Variants in ANO4 observed in about 807,000 individuals in gnomAD.
The protein encoded by ANO4 is anoctamin-4.
A neutral mutation model predicts 141.9 loss-of-function variants in ANO4; 69 were observed. The ratio of observed to expected loss-of-function variants is 0.49; its 90% CI spans 0.40 to 0.59. ANO4 has a LOEUF of 0.59. ANO4 is among the 20% of genes least tolerant of loss of function. ANO4 has a pLI of 0.00. For missense variants in ANO4, 894 were observed against 1,162.2 expected (o/e 0.77, Z 3.36); for synonymous variants, 350 against 394.3 (o/e 0.89, Z 1.33).
intron 4 of ANO4, among the ~76,000 whole-genome samples, chr12:100,941,066 C>T (rs1034841653): frequency 3.3e-5 from 5 of 151,588 alleles, no homozygotes; most frequent in Non-Finnish European, 5.9e-5. Context: ...ATTACTAACT[C>T]CAGTTTTTTT....
At chr12:100,910,471 T>C (rs1235461210) in intron 2 of ANO4, among the ~76,000 whole-genome samples, 3 of 152,164 alleles carry the variant, frequency 2.0e-5, no homozygotes, top group South Asian at 4.1e-4. Context: ...TGTTTATCAA[T>C]TTCATTTTGA....
Position 100,733,999 on chromosome 12 carries a change from G to A in ANO4, c.106+142G>A, listed in dbSNP as rs572792781. On this transcript the variant is annotated intron_variant, in intron 2 of 29. Transcript: ENST00000644049. ...TTTCAGAATCAGAGCAATTGCTTGT[G>A]GACTCACTTTTCTGGATCGCCCTCT... 68 of 570,096 alleles carry A rather than the reference G, an allele frequency of 1.2e-4. 1 individual carries two copies. The South Asian group carries it at 1.5e-3, about 13-fold the overall frequency. The allele number at this position is 570,096 out of a possible 1,614,324, so 35.3% of individuals were successfully genotyped here.
chr12:100,776,406 C>G (rs984649313), intron 3 of ANO4, among the ~76,000 whole-genome samples: 6 of 152,148 alleles, frequency 3.9e-5, no homozygotes, highest in African/African-American at 1.4e-4. Flanking sequence ...TCATAACCAC[C>G]CCAGGGATTC....
At chr12:101,121,874 G>T (rs2051111437) in intron 26 of ANO4, among the ~76,000 whole-genome samples, 1 of 148,186 alleles carries the variant, frequency 6.7e-6, no homozygotes, top group South Asian at 2.1e-4. Context: ...GTAATTCTCT[G>T]CCTCAGCCTC....
At chr12:101,104,633 A>G (rs1398356096) in intron 22 of ANO4, among the ~76,000 whole-genome samples, 1,367 of 49,390 alleles carry the variant, frequency 0.028, 27 homozygotes, top group African/African-American at 0.12. Context: ...GTGTGTATAT[A>G]TATATATATA....
chr12:101,042,361 A>G lies in ANO4; in HGVS notation c.1047A>G (p.Leu349=). 7.4e-6 allele frequency: 12 copies of G among 1,614,088 alleles called. No homozygotes were observed. The highest frequency in any genetic ancestry group is 1.0e-5 in the Non-Finnish European group (12 of 1,179,990). ...VRRYFGEKIG[L]YFAWLGWYTG... ...GGTACTTTGGAGAGAAGATTGGGTT[A>G]TATTTTGCCTGGTTGGGCTGGTACA... is the stretch of plus-strand genomic sequence containing the variant. Residue 349 remains leucine (L), a synonymous_variant, in exon 12 of 28, where the codon TTA becomes TTG. Coordinates refer to ENST00000392977, the MANE Select transcript of ANO4 (RefSeq NM_001286615.2).
At chr12:100,900,245 T>TTC (rs1374017984) in intron 1 of ANO4, among the ~76,000 whole-genome samples, 1 of 151,700 alleles carries the variant, frequency 6.6e-6, no homozygotes, top group Non-Finnish European at 1.5e-5. Flanking sequence ...CCCTACTTCC[T>TTC]TCTCTCTCTC....
At chr12:100,964,328 A>G (rs1278778991) in intron 5 of ANO4, among the ~76,000 whole-genome samples, 1 of 152,176 alleles carries the variant, frequency 6.6e-6, no homozygotes, top group African/African-American at 2.4e-5. Flanking sequence ...GCAATAAATT[A>G]GAATAATAAT....
At chr12:101,033,965 G>A (rs563266477) in intron 9 of ANO4, among the ~76,000 whole-genome samples, 4 of 152,062 alleles carry the variant, frequency 2.6e-5, no homozygotes, top group Non-Finnish European at 4.4e-5. Context: ...TCAGAATGGC[G>A]ATTATTTAAA....
chr12:100,882,724 A>G (rs1424597336), intron 1 of ANO4, among the ~76,000 whole-genome samples: 1 of 151,742 alleles, frequency 6.6e-6, no homozygotes, highest in Non-Finnish European at 1.5e-5. Context: ...TTTGAGACAG[A>G]GTCTCTCTCT....
At chr12:101,031,797 C>T (rs1287361849) in intron 9 of ANO4, among the ~76,000 whole-genome samples, 1 of 152,108 alleles carries the variant, frequency 6.6e-6, no homozygotes, top group African/African-American at 2.4e-5. Context: ...AGTAGACAAG[C>T]AGAGAGCCAA....
chr12:100,837,578 C>A (rs2036997283), intron 1 of ANO4, among the ~76,000 whole-genome samples: 1 of 151,938 alleles, frequency 6.6e-6, no homozygotes, highest in South Asian at 2.1e-4. Flanking sequence ...GAATTTGAGA[C>A]CAGCCTGGGC....
At chr12:100,874,207 T>C (rs1037118333) in intron 1 of ANO4, among the ~76,000 whole-genome samples, 2 of 152,128 alleles carry the variant, frequency 1.3e-5, no homozygotes, top group African/African-American at 2.4e-5. Flanking sequence ...TAGGGCAGTG[T>C]GGAGGGAAAA....
At chr12:100,858,925 G>A (rs927083570) in intron 1 of ANO4, 2 of 152,100 alleles carry the variant, frequency 1.3e-5, no homozygotes, top group African/African-American at 4.8e-5. Context: ...GAAGTGCCAC[G>A]TACTAGGTTT....
chr12:101,055,086 C>CA (rs2048054338), intron 14 of ANO4, among the ~76,000 whole-genome samples: 1 of 152,136 alleles, frequency 6.6e-6, no homozygotes, highest in Admixed American at 6.5e-5. Context: ...TATTTGGGTT[C>CA]AGTATGGTTT....
At chr12:101,071,214 C>G (rs1315511874) in intron 14 of ANO4, among the ~76,000 whole-genome samples, 1 of 152,074 alleles carries the variant, frequency 6.6e-6, no homozygotes, top group Non-Finnish European at 1.5e-5. Context: ...GATATCTGCA[C>G]TCCTATGCTT....
At chr12:100,886,760 C>T (rs2039852605) in intron 1 of ANO4, among the ~76,000 whole-genome samples, 1 of 152,182 alleles carries the variant, frequency 6.6e-6, no homozygotes, top group Non-Finnish European at 1.5e-5. Flanking sequence ...AGTTGAGTAG[C>T]TGCAACAGAG....
At chr12:100,764,665 AGCAC>A (rs1452536843) in intron 3 of ANO4, among the ~76,000 whole-genome samples, 1 of 152,166 alleles carries the variant, frequency 6.6e-6, no homozygotes, top group Non-Finnish European at 1.5e-5. Flanking sequence ...ATACATAATC[AGCAC>A]ATGTTTGATT....
At chr12:100,866,794 C>T (rs2038773307) in intron 1 of ANO4, among the ~76,000 whole-genome samples, 1 of 152,308 alleles carries the variant, frequency 6.6e-6, no homozygotes, top group Non-Finnish European at 1.5e-5. Flanking sequence ...AGGATAAGAA[C>T]ACTGATACCT....
Sources: gnomAD v4.1 joint callset for allele counts (sites outside exome capture counted in the v4.1 genomes callset) on GRCh38, gnomAD v4.1.1 for gene constraint, MANE v1.5 for transcripts, NCBI Gene and HGNC (gene_info 2026-07-23, HGNC 2026-07-21) for gene names.